The following TMEFF2 variants were observed in gnomAD, a reference collection of about 807,000 sequenced individuals.
The protein encoded by TMEFF2 is transmembrane protein with EGF like and two follistatin like domains 2, also known as tomoregulin-2.
Under a neutral mutation model 53.8 loss-of-function variants are expected in TMEFF2, and 28 were observed. That is an observed-to-expected ratio of 0.52 (90% CI 0.39 to 0.71). The LOEUF (loss-of-function observed/expected upper bound fraction) is 0.71, where lower values mean the gene tolerates loss of function less well. Among genes scored for constraint, TMEFF2 ranks in the 30% least tolerant of loss-of-function variants. The pLI, the probability that TMEFF2 is intolerant of heterozygous loss-of-function variation, is 0.00. For missense variants in TMEFF2, 353 were observed against 455.2 expected, an observed-to-expected ratio of 0.78 and a Z score of 2.04; for synonymous variants, 162 against 166.3, an observed-to-expected ratio of 0.97 and a Z score of 0.20.
chr2:191,963,532 C>T (rs184341148), intron 7 of TMEFF2, among the ~76,000 whole-genome samples: 207 of 152,238 alleles, frequency 1.4e-3, no homozygotes, highest in African/African-American at 4.2e-3. Context: ...GTGATGTAAC[C>T]GTTTTCTTCT....
intron 7 of TMEFF2, among the ~76,000 whole-genome samples, chr2:191,976,755 C>T (rs991773215): frequency 6.6e-6 from 1 of 152,164 alleles, no homozygotes. Flanking sequence ...TAGGCCCAGA[C>T]TCCGGGTGGA....
At chr2:192,017,262 C>G (rs889367656) in intron 5 of TMEFF2, among the ~76,000 whole-genome samples, 8 of 152,100 alleles carry the variant, frequency 5.3e-5, no homozygotes, top group Non-Finnish European at 1.0e-4. Context: ...CTGCTAAGGA[C>G]TTTGAAATTA....
intron 4 of TMEFF2, among the ~76,000 whole-genome samples, chr2:192,071,195 T>C (rs531901336): frequency 3.9e-5 from 6 of 152,030 alleles, no homozygotes; most frequent in African/African-American, 1.4e-4. Flanking sequence ...ATGTTTAAGA[T>C]AGCTGCTCTC....
Position 191,953,763 on chromosome 2 carries a change from A to G in TMEFF2, c.944T>C (p.Val315Ala). 2 of 1,614,164 alleles carry G rather than the reference A, an allele frequency of 1.2e-6. No individual in the cohort carries two copies. The highest frequency in any genetic ancestry group is 1.7e-6 in the Non-Finnish European group (2 of 1,179,996). Residue 315 changes from valine to alanine, a missense_variant, in exon 9 of 10, where the codon GTA becomes GCA. Physicochemically the swap from Val to Ala is moderately conservative, Grantham distance 64. Around this residue, in one of 3 missense-constraint regions of TMEFF2, gnomAD observed 294 missense variants for 397.3 expected, o/e 0.74. Transcript: ENST00000272771. The part of the protein sequence containing the change: ...YSVLYVVPGP[V>A]RFQYVLIAAV... Reference sequence around the variant, plus strand: ...TGCGATTAAGACATACTGAAATCGTACAGGACCGGGAACAACGTATAGAAC... The same window carrying G: ...TGCGATTAAGACATACTGAAATCGTGCAGGACCGGGAACAACGTATAGAAC...
intron 4 of TMEFF2, among the ~76,000 whole-genome samples, chr2:192,168,277 A>T (rs999462503): frequency 2.6e-5 from 4 of 152,124 alleles, no homozygotes; most frequent in African/African-American, 9.7e-5. Context: ...GAACTTTATC[A>T]TAAATTTACT....
intron 4 of TMEFF2, among the ~76,000 whole-genome samples, chr2:192,069,447 A>C (rs1688236520): frequency 6.6e-6 from 1 of 151,822 alleles, no homozygotes; most frequent in Non-Finnish European, 1.5e-5. Flanking sequence ...ACATTTAAGG[A>C]CAGGAAGGTC....
intron 4 of TMEFF2, among the ~76,000 whole-genome samples, chr2:192,075,310 T>TATATATACATATAAATATAA: frequency 1.3e-5 from 1 of 74,900 alleles, no homozygotes; most frequent in East Asian, 4.0e-4. Flanking sequence ...TATATATATA[T>TATATATACATATAAATATAA]ATATATATAT....
At chr2:192,118,693 G>A (rs1276824582) in intron 4 of TMEFF2, among the ~76,000 whole-genome samples, 1 of 152,134 alleles carries the variant, frequency 6.6e-6, no homozygotes, top group Admixed American at 6.6e-5. Flanking sequence ...CAAATTCCTT[G>A]AAGACCAAAT....
chr2:192,092,443 A>C (rs561829792), intron 4 of TMEFF2, among the ~76,000 whole-genome samples: 1 of 152,178 alleles, frequency 6.6e-6, no homozygotes, highest in Non-Finnish European at 1.5e-5. Flanking sequence ...TGCCAAAAAA[A>C]TGATGTTCCA....
Position 192,087,698 on chromosome 2 carries a change from T to C in TMEFF2, c.440-29923A>G, listed in dbSNP as rs192673861. Among the ~76,000 whole-genome samples, 21 of 152,226 alleles carry C rather than the reference T, an allele frequency of 1.4e-4. No individual in the cohort carries two copies. The South Asian group carries it at 3.1e-3, about 23-fold the overall frequency. ...AGACTCAAGATTATATTATAAACTT[T>C]ACTATGTTTAATGTACAGTGGGTGT... On this transcript the variant is annotated intron_variant, in intron 4 of 9. Coordinates refer to ENST00000272771, the MANE Select transcript of TMEFF2 (RefSeq NM_016192.4).
chr2:192,075,049 T>C (rs2356756), intron 4 of TMEFF2, among the ~76,000 whole-genome samples: 93,291 of 150,592 alleles, frequency 0.62, 29,763 homozygotes, highest in East Asian at 0.97. Context: ...AACAAAGCTG[T>C]CTTCTAATTT....
intron 7 of TMEFF2, among the ~76,000 whole-genome samples, chr2:191,969,645 G>A: frequency 6.6e-6 from 1 of 152,146 alleles, no homozygotes; most frequent in East Asian, 1.9e-4. Context: ...ATGATGTCAT[G>A]GCCCAGAAAT....
intron 4 of TMEFF2, among the ~76,000 whole-genome samples, chr2:192,082,708 G>A (rs571943362): frequency 6.6e-6 from 1 of 152,168 alleles, no homozygotes; most frequent in Admixed American, 6.5e-5. Context: ...GACATTCCTC[G>A]AGAATTAGAT....
chr2:192,106,969 G>A (rs189464850), intron 4 of TMEFF2, among the ~76,000 whole-genome samples: 1 of 151,830 alleles, frequency 6.6e-6, no homozygotes, highest in East Asian at 1.9e-4. Context: ...AGTTAGGCAT[G>A]TCTATTTGGC....
At chr2:192,013,963 CAT>C (rs1686691650) in intron 5 of TMEFF2, among the ~76,000 whole-genome samples, 2 of 152,244 alleles carry the variant, frequency 1.3e-5, no homozygotes, top group South Asian at 4.1e-4. Context: ...GTGATCTAGA[CAT>C]AAAGTTTAGA....
At chr2:192,127,701 T>C (rs1689710735) in intron 4 of TMEFF2, among the ~76,000 whole-genome samples, 1 of 152,262 alleles carries the variant, frequency 6.6e-6, no homozygotes, top group Non-Finnish European at 1.5e-5. Context: ...TTATGTTAAC[T>C]GAAAGGCCCA....
chr2:191,999,251 T>C, intron 5 of TMEFF2, 43 bp from the exon 6 acceptor site: 1 of 1,454,924 alleles, frequency 6.9e-7, no homozygotes, highest in South Asian at 1.4e-5. Flanking sequence ...TCAATAGTGT[T>C]GTTACCACAT....
chr2:192,069,566 GA>G (rs1487632575), intron 4 of TMEFF2, among the ~76,000 whole-genome samples: 3 of 151,658 alleles, frequency 2.0e-5, no homozygotes, highest in Admixed American at 6.6e-5. Flanking sequence ...GAAAGCTGAA[GA>G]GCTGGAATAG....
intron 4 of TMEFF2, among the ~76,000 whole-genome samples, chr2:192,131,031 G>C (rs904314947): frequency 2.7e-5 from 4 of 148,260 alleles, no homozygotes; most frequent in African/African-American, 1.0e-4. Context: ...ACCCTTAGCA[G>C]CAAGTCCCGC....
Sources: gnomAD v4.1 joint callset for allele counts (sites outside exome capture counted in the v4.1 genomes callset) on GRCh38, gnomAD v4.1.1 for gene constraint, gnomAD v4.1.1 regional missense constraint, MANE v1.5 for transcripts, NCBI Gene and HGNC (gene_info 2026-07-23, HGNC 2026-07-21) for gene names.